HERC1: variants seen among roughly 807,000 people sequenced by gnomAD.
HERC1 encodes HECT and RLD domain containing E3 ubiquitin protein ligase family member 1, also known as probable E3 ubiquitin-protein ligase HERC1.
Under a neutral mutation model 554.3 loss-of-function variants are expected in HERC1, and 160 were observed. The observed-to-expected ratio is 0.29, with a 90% confidence interval of 0.25 to 0.33. HERC1 has a LOEUF of 0.33. Ranked by LOEUF, HERC1 falls within the 10% of genes least tolerant of loss-of-function variation. HERC1 has a pLI of 1.00. For synonymous variants in HERC1, 2,175 were observed against 2,131.7 expected (o/e 1.02, Z -0.56); for missense variants, 4,919 against 5,918.5 (o/e 0.83, Z 5.54).
At chr15:63,742,300 T>C (rs574235709) in intron 12 of HERC1, among the ~76,000 whole-genome samples, 1 of 152,326 alleles carries the variant, frequency 6.6e-6, no homozygotes, top group African/African-American at 2.4e-5. Flanking sequence ...ATTGTTGGTG[T>C]ATAGAAACAA....
intron 19 of HERC1, among the ~76,000 whole-genome samples, chr15:63,719,419 G>A (rs2073711125): frequency 1.3e-5 from 2 of 152,364 alleles, no homozygotes; most frequent in South Asian, 2.1e-4. Flanking sequence ...ATGGGTAGAA[G>A]ACATCAGAGA....
intron 12 of HERC1, among the ~76,000 whole-genome samples, chr15:63,736,137 C>G (rs2074493741): frequency 6.6e-6 from 1 of 152,196 alleles, no homozygotes; most frequent in Non-Finnish European, 1.5e-5. Context: ...CTTAAAAGAC[C>G]TGAAATGGCT....
At chr15:63,691,134 T>C (rs1245192306) in intron 31 of HERC1, among the ~76,000 whole-genome samples, 1 of 152,138 alleles carries the variant, frequency 6.6e-6, no homozygotes, top group Non-Finnish European at 1.5e-5. Flanking sequence ...ACAGGGATTG[T>C]TAGGGTTAAC....
At position 63,791,016 on chromosome 15, in the gene HERC1, A is replaced by G. The variant is rs139947542; in HGVS notation, c.-26-15367T>C. ...CAAAAAATCCTAAAAAAGTTTTTCA[A>G]AGGGTTGACTGTATCTATCACGCTT... On this transcript the variant is annotated intron_variant, in intron 1 of 77. Coordinates refer to ENST00000443617, the MANE Select transcript of HERC1 (RefSeq NM_003922.4). Among the ~76,000 whole-genome samples the G allele has an allele frequency of 7.4e-3, 1,123 of 152,266 alleles. 14 individuals are homozygous for G. The highest frequency in any genetic ancestry group is 0.026 in the African/African-American group (1,081 of 41,544).
chr15:63,686,378 G>A lies in HERC1; in HGVS notation c.6206C>T (p.Ser2069Phe). The stretch of plus-strand genomic sequence containing the variant: ...ACGTACCTTCCACTGATAGCACCCA[G>A]AAGTTACTCCTGTAGATGCCAATCC... ...GYGLASTGVT[S>F]GCYQWKFYIV... The change falls in exon 34 of 78, where the codon TCT becomes TTT. Residue 2069 changes from serine (S) to phenylalanine (F), a missense_variant. Transcript: ENST00000443617. The A allele has an allele frequency of 6.2e-7, 1 of 1,609,174 alleles. No individual in the cohort carries two copies. The highest frequency in any genetic ancestry group is 8.5e-7 in the Non-Finnish European group (1 of 1,178,542).
At chr15:63,672,358 C>T (rs2070977097) in intron 39 of HERC1, 138 bp downstream of exon 39, 5 of 604,884 alleles carry the variant, frequency 8.3e-6, no homozygotes, top group Non-Finnish European at 1.4e-5. Flanking sequence ...GTAAAATGAG[C>T]TTGACTATAT....
chr15:63,782,301 G>T (rs2076311054), intron 1 of HERC1, among the ~76,000 whole-genome samples: 1 of 152,152 alleles, frequency 6.6e-6, no homozygotes, highest in South Asian at 2.1e-4. Context: ...GAAGCTGGTG[G>T]ACTTAAAGTT....
chr15:63,753,188 C>T, intron 7 of HERC1, 103 bp from the exon 8 acceptor site: 1 of 742,548 alleles, frequency 1.3e-6, no homozygotes, highest in Non-Finnish European at 1.9e-6. Flanking sequence ...CCATCACTAA[C>T]CTGGCAGATA....
At chr15:63,791,358 T>A (rs780870261) in intron 1 of HERC1, among the ~76,000 whole-genome samples, 5 of 152,218 alleles carry the variant, frequency 3.3e-5, no homozygotes, top group Admixed American at 6.5e-5. Context: ...TTTATATGTA[T>A]ATATGTACGT....
At chr15:63,744,975 C>T (rs1436942891) in intron 12 of HERC1, among the ~76,000 whole-genome samples, 1 of 152,160 alleles carries the variant, frequency 6.6e-6, no homozygotes, top group Non-Finnish European at 1.5e-5. Flanking sequence ...GTGATGAATG[C>T]TGCCAGTACT....
chr15:63,829,541 GTA>G (rs1283886354), intron 1 of HERC1, among the ~76,000 whole-genome samples: 46 of 42,740 alleles, frequency 1.1e-3, no homozygotes, highest in South Asian at 3.1e-3. Flanking sequence ...GCACATATAT[GTA>G]TGTGTGTGTG....
At chr15:63,659,273 A>G (rs917400854) in intron 47 of HERC1, among the ~76,000 whole-genome samples, 2 of 152,110 alleles carry the variant, frequency 1.3e-5, no homozygotes, top group Admixed American at 1.3e-4. Flanking sequence ...TCCTCTTGAG[A>G]CAGGGTCTGG....
Position 63,734,875 on chromosome 15 carries a change from TG to T in HERC1, c.2521-27del. 6.3e-7 allele frequency: 1 copy of T among 1,596,894 alleles called. No homozygotes were observed. Among genetic ancestry groups the T allele is most frequent in the Non-Finnish European group, 8.5e-7 (1 of 1,170,578 alleles). ...CTAATATCAAAAGAGAAAAGTATAC[TG>T]ATTGGCCTGGTTCTTAGTTTTTAAT... On this transcript the variant is annotated intron_variant, in intron 12 of 77. Coordinates refer to ENST00000443617, the MANE Select transcript of HERC1 (RefSeq NM_003922.4). This position sits in a 1 kb window ranked among gnomAD's most constrained non-coding sequence, Gnocchi z 4.6.
chr15:63,802,659 C>G (rs996870309), intron 1 of HERC1, among the ~76,000 whole-genome samples: 21 of 151,996 alleles, frequency 1.4e-4, no homozygotes, highest in African/African-American at 4.6e-4. Context: ...CATAAATTAC[C>G]AAAGATTCAC....
chr15:63,651,400 T>TA lies in HERC1; in HGVS notation c.10419-21dup, dbSNP rs751868704. On this transcript the variant is annotated intron_variant, in intron 52 of 77. Coordinates refer to ENST00000443617, the MANE Select transcript of HERC1 (RefSeq NM_003922.4). ...CCTTCCCTAGAATATAACAGACAGA[T>TA]ATGCAGTTCTAATCCCCATCATTCA... The TA allele has an allele frequency of 1.9e-6, 3 of 1,605,922 alleles. No individual in the cohort carries two copies. The Admixed American group carries it at 5.2e-5, about 28-fold the overall frequency.
intron 1 of HERC1, among the ~76,000 whole-genome samples, chr15:63,784,748 T>C (rs543727452): frequency 7.9e-5 from 12 of 152,072 alleles, no homozygotes; most frequent in African/African-American, 2.2e-4. Context: ...ACTGGGACTA[T>C]AGGTGGCTGC....
intron 44 of HERC1, among the ~76,000 whole-genome samples, 174 bp from the exon 45 acceptor site, chr15:63,662,195 G>A (rs188859251): frequency 6.6e-6 from 1 of 152,130 alleles, no homozygotes; most frequent in African/African-American, 2.4e-5. Flanking sequence ...AACACAATCG[G>A]AAGGTGTTCT....
At position 63,758,113 on chromosome 15, in the gene HERC1, G is replaced by T; in HGVS notation, c.1221+62C>A. On this transcript the variant is annotated intron_variant, in intron 4 of 77. Transcript: ENST00000443617. The surrounding 1 kb of genome is among the most constrained non-coding windows in gnomAD (Gnocchi z 4.0). ...TAAAAAATACTCAGTATTATTTAATGCAAATAAGCATGAATATACACCAGA... is the reference window on the plus strand; with the variant it reads ...TAAAAAATACTCAGTATTATTTAATTCAAATAAGCATGAATATACACCAGA... The T allele has an allele frequency of 3.4e-6, 4 of 1,169,634 alleles. No homozygotes were observed. Among genetic ancestry groups the T allele is most frequent in the Non-Finnish European group, 3.7e-6 (3 of 813,324 alleles). 72.5% of individuals were successfully genotyped at this position (1,169,634 alleles called of 1,614,324 possible). A position where few individuals can be genotyped will look rare whatever the true frequency, so the allele number is the denominator to read the frequency against.
Position 63,729,295 on chromosome 15 carries a change from C to T in HERC1, c.3095G>A (p.Arg1032His), listed in dbSNP as rs775255598. The T allele has an allele frequency of 1.3e-5, 21 of 1,611,590 alleles. No individual in the cohort carries two copies. Among genetic ancestry groups the T allele is most frequent in the Non-Finnish European group, 1.6e-5 (19 of 1,178,944 alleles). The stretch of plus-strand genomic sequence containing the variant: ...ACTTTCTTTGAGCAAATTTGCAGAA[C>T]GTGAATAAATATCTGTGGCATGAGG... ...LLPHATDIYS[R>H]SANLLKESPW... The change falls in exon 16 of 78, where the codon CGT (arginine) becomes CAT (histidine). Residue 1032 changes from arginine to histidine, a missense_variant. Around this residue, in one of 11 missense-constraint regions of HERC1, gnomAD observed 1,121 missense variants for 1,244.0 expected, o/e 0.90. Transcript: ENST00000443617.
Sources: allele counts gnomAD v4.1 joint callset (sites outside exome capture counted in the v4.1 genomes callset), GRCh38; gene constraint gnomAD v4.1.1; regional missense constraint gnomAD v4.1.1; non-coding constraint Gnocchi (gnomAD v3.1); transcripts MANE v1.5; gene names NCBI Gene and HGNC (gene_info 2026-07-23, HGNC 2026-07-21).